Variants in COL18A1 observed in about 807,000 individuals in gnomAD.
COL18A1 encodes collagen alpha-1(XVIII) chain.
COL18A1 carries 133 observed loss-of-function variants against 168.0 expected under a neutral mutation model. The ratio of observed to expected loss-of-function variants is 0.79; its 90% CI spans 0.69 to 0.91. COL18A1 has a LOEUF of 0.91. COL18A1 is among the 40% of genes least tolerant of loss of function. The pLI, the probability that COL18A1 is intolerant of heterozygous loss-of-function variation, is 0.00. For missense variants in COL18A1, 2,126 were observed against 1,925.4 expected (o/e 1.10, Z -1.95); for synonymous variants, 949 against 809.0 (o/e 1.17, Z -2.94).
At position 45,506,003 on chromosome 21, in the gene COL18A1, A is replaced by G. The variant is rs1568944568; in HGVS notation, c.3216+37A>G. The G allele has an allele frequency of 1.9e-6, 3 of 1,612,454 alleles. No individual in the cohort carries two copies. The East Asian group carries it at 6.7e-5, about 36-fold the overall frequency. ...GTGTGACGGGTTCTGGACCCGTGGA[A>G]GGGCCGAAGCCGCCTCCTGGGGCTT... On this transcript the variant is annotated intron_variant, in intron 37 of 41. Transcript: ENST00000651438.
At chr21:45,415,198 G>A (rs1045583384) in intron 2 of COL18A1, among the ~76,000 whole-genome samples, 1 of 152,202 alleles carries the variant, frequency 6.6e-6, no homozygotes, top group African/African-American at 2.4e-5. Flanking sequence ...TCTCACCTGC[G>A]AAGGGCCACT....
At chr21:45,496,261 C>T (rs2036540176) in intron 29 of COL18A1, 1 of 701,928 alleles carries the variant, frequency 1.4e-6, no homozygotes, top group Non-Finnish European at 2.6e-6. Context: ...CCGGTGGCCT[C>T]TTCACTCCTC....
intron 18 of COL18A1, among the ~76,000 whole-genome samples, chr21:45,488,688 CAA>C (rs2036198529): frequency 6.6e-6 from 1 of 152,126 alleles, no homozygotes; most frequent in African/African-American, 2.4e-5. Flanking sequence ...GCCCAGGAAT[CAA>C]GATTCCTGGG....
chr21:45,468,351 A>G lies in COL18A1; in HGVS notation c.216A>G (p.Pro72=). ...TCGGGCTGGCCTACGTCTTTGGGCCAGATGCCAACAGTGGCCAAGTGGCCC... is the reference window on the plus strand; with the variant it reads ...TCGGGCTGGCCTACGTCTTTGGGCCGGATGCCAACAGTGGCCAAGTGGCCC... ...PDVGLAYVFG[P]DANSGQVARY... is the part of the protein sequence containing the mutation. Residue 72 remains proline (P), a synonymous_variant, in exon 3 of 42, where the codon CCA becomes CCG. Transcript: ENST00000651438. The G allele has an allele frequency of 1.2e-6, 2 of 1,613,770 alleles. No homozygotes were observed. The highest frequency in any genetic ancestry group is 1.3e-5 in the African/African-American group (1 of 75,086).
chr21:45,472,077 G>C (rs562038943), intron 3 of COL18A1, among the ~76,000 whole-genome samples: 3 of 152,120 alleles, frequency 2.0e-5, no homozygotes, highest in South Asian at 2.1e-4. Flanking sequence ...GGCCACCTGT[G>C]GGGGGGTCAG....
At chr21:45,467,717 C>T (rs1389405927) in intron 2 of COL18A1, among the ~76,000 whole-genome samples, 1 of 152,170 alleles carries the variant, frequency 6.6e-6, no homozygotes, top group East Asian at 1.9e-4. Flanking sequence ...CAGTGGAGGC[C>T]AGGCTGGGGT....
intron 41 of COL18A1, 94 bp downstream of exon 41, chr21:45,511,320 G>A (rs990096641): frequency 1.2e-5 from 9 of 725,868 alleles, no homozygotes; most frequent in Non-Finnish European, 2.3e-5. Flanking sequence ...CCGAGTTTTT[G>A]GACAAATCTT....
intron 19 of COL18A1, 85 bp from the exon 20 acceptor site, chr21:45,490,190 C>A: frequency 8.6e-7 from 1 of 1,161,790 alleles, no homozygotes; most frequent in Non-Finnish European, 1.3e-6. Flanking sequence ...TCGCCACGTC[C>A]ACGGGTGCCC....
At chr21:45,459,334 A>G (rs1443397089) in intron 2 of COL18A1, among the ~76,000 whole-genome samples, 2 of 152,156 alleles carry the variant, frequency 1.3e-5, no homozygotes, top group Non-Finnish European at 1.5e-5. Context: ...GCAGACTTCG[A>G]GGCCCCGAAA....
intron 40 of COL18A1, among the ~76,000 whole-genome samples, 165 bp from the exon 41 acceptor site, chr21:45,510,946 C>CCCACACACACACACAT (rs149520091): frequency 1.7e-5 from 1 of 57,382 alleles, no homozygotes; most frequent in Non-Finnish European, 3.1e-5. Context: ...AAAACACACA[C>CCCACACACACACACAT]CCACAACACC....
At chr21:45,435,786 C>T (rs866260926) in intron 2 of COL18A1, among the ~76,000 whole-genome samples, 1 of 152,266 alleles carries the variant, frequency 6.6e-6, no homozygotes, top group South Asian at 2.1e-4. Flanking sequence ...GTCCCCCCGG[C>T]GCTCCCTGGC....
chr21:45,509,464 G>A lies in COL18A1; in HGVS notation c.3358G>A (p.Asp1120Asn), dbSNP rs372741290. ...HPTARPWRAD[D>N]ILASPPRLPE... ...CACCGCGCGGCCCTGGCGGGCAGAT[G>A]ACATCCTGGCCAGCCCCCCTCGCCT... The change falls in exon 39 of 42, where the codon GAC becomes AAC. Residue 1120 changes from aspartate (D) to asparagine (N), a missense_variant. Coordinates refer to ENST00000651438, the MANE Select transcript of COL18A1 (RefSeq NM_001379500.1). The A allele has an allele frequency of 1.8e-5, 28 of 1,532,294 alleles. No individual in the cohort carries two copies. The highest frequency in any genetic ancestry group is 2.3e-5 in the Non-Finnish European group (26 of 1,140,526). The allele number at this position is 1,532,294 out of a possible 1,614,324, so 94.9% of individuals were successfully genotyped here. A position where few individuals can be genotyped will look rare whatever the true frequency, so the allele number is the denominator to read the frequency against.
intron 37 of COL18A1, 170 bp from the exon 38 acceptor site, chr21:45,507,391 G>T: frequency 1.6e-6 from 1 of 615,594 alleles, no homozygotes; most frequent in South Asian, 1.7e-5. Flanking sequence ...TGCTGGGCAG[G>T]GAGCGTACCC....
chr21:45,509,614 C>A lies in COL18A1; in HGVS notation c.3495+13C>A, dbSNP rs562422995. On this transcript the variant is annotated intron_variant, in intron 39 of 41. Transcript: ENST00000651438. ...CTTCCAGCCGGTGGTGAGTGCCCCCCCAAAGTGGGCTTGGCTCCATCTAGC... is the reference window on the plus strand; with the variant it reads ...CTTCCAGCCGGTGGTGAGTGCCCCCACAAAGTGGGCTTGGCTCCATCTAGC... The A allele has an allele frequency of 5.7e-6, 8 of 1,400,862 alleles. No individual in the cohort carries two copies. Among genetic ancestry groups the A allele is most frequent in the Admixed American group, 3.9e-5 (2 of 51,066 alleles). 86.8% of individuals were successfully genotyped at this position (1,400,862 alleles called of 1,614,324 possible). A position where few individuals can be genotyped will look rare whatever the true frequency, so the allele number is the denominator to read the frequency against.
chr21:45,481,032 C>T (rs575744739), intron 13 of COL18A1, among the ~76,000 whole-genome samples, 174 bp downstream of exon 13: 4 of 152,300 alleles, frequency 2.6e-5, no homozygotes, highest in East Asian at 1.9e-4. Context: ...CTGGGGTGTG[C>T]GGAAGCACCT....
intron 2 of COL18A1, among the ~76,000 whole-genome samples, chr21:45,441,678 C>T (rs1365347097): frequency 2.6e-5 from 4 of 152,244 alleles, no homozygotes; most frequent in South Asian, 2.1e-4. Flanking sequence ...CATGTTCTGC[C>T]GCTGGCTCTT....
chr21:45,485,149 ATTTTTTTTTTTT>A (rs751718038), intron 15 of COL18A1, among the ~76,000 whole-genome samples: 10 of 55,086 alleles, frequency 1.8e-4, no homozygotes, highest in East Asian at 1.7e-3. Flanking sequence ...CACCTGGCTA[ATTTTTTTTTTTT>A]TTTTTTTTTT....
chr21:45,508,836 G>A (rs1053050663), intron 38 of COL18A1, among the ~76,000 whole-genome samples: 10 of 152,218 alleles, frequency 6.6e-5, no homozygotes, highest in African/African-American at 2.2e-4. Context: ...AGTGGGGACA[G>A]CCATGTGGAC....
chr21:45,428,803 G>T (rs554371488), intron 2 of COL18A1, among the ~76,000 whole-genome samples: 3 of 152,184 alleles, frequency 2.0e-5, no homozygotes, highest in African/African-American at 7.2e-5. Context: ...CCTTTTCATG[G>T]GTGTGTAATA....
Sources: allele counts gnomAD v4.1 joint callset (sites outside exome capture counted in the v4.1 genomes callset), GRCh38; gene constraint gnomAD v4.1.1; transcripts MANE v1.5; gene names NCBI Gene and HGNC (gene_info 2026-07-23, HGNC 2026-07-21).